Variants in ZNF121 observed in about 807,000 individuals in gnomAD.
The protein encoded by ZNF121 is zinc finger protein 121, also known as zinc finger protein 121 (clone ZHC32).
A neutral mutation model predicts 2.4 loss-of-function variants in ZNF121; 1 was observed. That is an observed-to-expected ratio of 0.41 (90% CI 0.15 to 1.94). The LOEUF (loss-of-function observed/expected upper bound fraction) is 1.94, where lower values mean the gene tolerates loss of function less well. Ranked by LOEUF, ZNF121 falls within the 30% of genes most tolerant of loss-of-function variation. The pLI, the probability that ZNF121 is intolerant of heterozygous loss-of-function variation, is 0.30. For synonymous variants in ZNF121, 173 were observed against 158.6 expected (o/e 1.09, Z -0.68); for missense variants, 369 against 466.3 (o/e 0.79, Z 1.92).
chr19:9,573,185 G>A (rs1181658144), intron 1 of ZNF121, among the ~76,000 whole-genome samples: 2 of 152,310 alleles, frequency 1.3e-5, no homozygotes, highest in South Asian at 2.1e-4. Flanking sequence ...AATAGTATCA[G>A]TGACTGAACC....
chr19:9,562,032 G>A lies in ZNF121; in HGVS notation c.*3908C>T, dbSNP rs902199919. 1 of 152,050 alleles carries A rather than the reference G, an allele frequency of 6.6e-6. No individual in the cohort carries two copies. The highest frequency in any genetic ancestry group is 2.4e-5 in the African/African-American group (1 of 41,398). 9.4% of individuals were successfully genotyped at this position (152,050 alleles called of 1,614,324 possible). A position where few individuals can be genotyped will look rare whatever the true frequency, so the allele number is the denominator to read the frequency against. ...TCACAAGTAGAAGTCCTGTGGCAAT[G>A]TCATGTCGAATAAATCTATAACACC... On this transcript the variant is annotated 3_prime_UTR_variant, in exon 4 of 4. Coordinates refer to ENST00000320451, the MANE Select transcript of ZNF121 (RefSeq NM_001008727.5).
At chr19:9,576,366 T>G (rs1599740848) in intron 1 of ZNF121, among the ~76,000 whole-genome samples, 1 of 152,240 alleles carries the variant, frequency 6.6e-6, no homozygotes, top group East Asian at 1.9e-4. Context: ...AACATTGTTT[T>G]GGTACGTTGA....
chr19:9,570,301 A>C (rs2074165026), intron 1 of ZNF121, among the ~76,000 whole-genome samples: 1 of 152,148 alleles, frequency 6.6e-6, no homozygotes, highest in South Asian at 2.1e-4. Flanking sequence ...AATGAGGCTC[A>C]TATGCCAGAG....
At chr19:9,580,075 G>T (rs939228998) in intron 1 of ZNF121, among the ~76,000 whole-genome samples, 1 of 151,962 alleles carries the variant, frequency 6.6e-6, no homozygotes, top group East Asian at 1.9e-4. Flanking sequence ...GGCGGATCAC[G>T]ACGTCAGGAG....
chr19:9,583,879 C>T (rs2074266817), intron 1 of ZNF121, among the ~76,000 whole-genome samples: 1 of 152,136 alleles, frequency 6.6e-6, no homozygotes, highest in South Asian at 2.1e-4. Flanking sequence ...AAATAAGAAA[C>T]TAAAGGCTCA....
intron 1 of ZNF121, among the ~76,000 whole-genome samples, chr19:9,580,731 C>A (rs963459235): frequency 4.6e-5 from 7 of 152,190 alleles, no homozygotes; most frequent in Admixed American, 3.3e-4. Context: ...TGATACTCAA[C>A]GTGTCCATGT....
rs2074113152 is a variant in ZNF121 at position 9,563,609 on chromosome 19, G to C, written c.*2331C>G. The C allele has an allele frequency of 6.6e-6, 1 of 152,210 alleles. No individual in the cohort carries two copies. The highest frequency in any genetic ancestry group is 2.1e-4 in the South Asian group (1 of 4,830). 9.4% of individuals were successfully genotyped at this position (152,210 alleles called of 1,614,324 possible). On this transcript the variant is annotated 3_prime_UTR_variant, in exon 4 of 4. Coordinates refer to ENST00000320451, the MANE Select transcript of ZNF121 (RefSeq NM_001008727.5). ...GGACGGGCTGACTCTTTACTTTGTA[G>C]AGACAGCGTCACGCTCTGTTGTGCT...
In ZNF121 at chr19:9,563,602, C is replaced by G. The variant is rs2074113100; in HGVS notation, c.*2338G>C. The stretch of plus-strand genomic sequence containing the variant: ...ATTCAAAGGACGGGCTGACTCTTTA[C>G]TTTGTAGAGACAGCGTCACGCTCTG... On this transcript the variant is annotated 3_prime_UTR_variant, in exon 4 of 4. Coordinates refer to ENST00000320451, the MANE Select transcript of ZNF121 (RefSeq NM_001008727.5). The G allele has an allele frequency of 6.6e-6, 1 of 152,168 alleles. No individual in the cohort carries two copies. The highest frequency in any genetic ancestry group is 1.5e-5 in the Non-Finnish European group (1 of 68,048). The allele number at this position is 152,168 out of a possible 1,614,324, so 9.4% of individuals were successfully genotyped here.
intron 1 of ZNF121, among the ~76,000 whole-genome samples, chr19:9,580,597 G>T (rs1395069141): frequency 6.6e-6 from 1 of 152,152 alleles, no homozygotes; most frequent in Non-Finnish European, 1.5e-5. Flanking sequence ...ATATACATTT[G>T]TATGTGCTTT....
chr19:9,577,182 G>A lies in ZNF121; in HGVS notation c.-160+7279C>T, dbSNP rs191773834. ...GGCCAGGCTGGGTGCAGTGGCTCACGCCCGTAATTCCAGCACTTTGGGAGG... is the reference window on the plus strand; with the variant it reads ...GGCCAGGCTGGGTGCAGTGGCTCACACCCGTAATTCCAGCACTTTGGGAGG... On this transcript the variant is annotated intron_variant, in intron 1 of 3. Transcript: ENST00000320451. Among the ~76,000 whole-genome samples, 46 of 152,246 alleles carry A rather than the reference G, an allele frequency of 3.0e-4. No homozygotes were observed. In the South Asian group the frequency reaches 6.4e-3, roughly 21 times the overall value.
chr19:9,570,032 C>T (rs1285586170), intron 1 of ZNF121, among the ~76,000 whole-genome samples: 1 of 151,658 alleles, frequency 6.6e-6, no homozygotes, highest in Non-Finnish European at 1.5e-5. Context: ...TGCCGCCGCC[C>T]ACCCTAGTTC....
At chr19:9,574,007 T>C (rs1036220087) in intron 1 of ZNF121, among the ~76,000 whole-genome samples, 8 of 149,632 alleles carry the variant, frequency 5.3e-5, no homozygotes, top group African/African-American at 2.0e-4. Flanking sequence ...CCACAATGCC[T>C]GGCTAATTTT....
intron 1 of ZNF121, among the ~76,000 whole-genome samples, chr19:9,580,110 G>C (rs1018146124): frequency 6.6e-6 from 1 of 151,902 alleles, no homozygotes; most frequent in South Asian, 2.1e-4. Context: ...GGCTAACACG[G>C]TGAAACCTCG....
intron 1 of ZNF121, among the ~76,000 whole-genome samples, chr19:9,571,578 C>T (rs2074174507): frequency 6.6e-6 from 1 of 152,150 alleles, no homozygotes. Flanking sequence ...TTACCTTTCA[C>T]CTGGCAGGAC....
At chr19:9,573,444 T>A (rs2074188046) in intron 1 of ZNF121, among the ~76,000 whole-genome samples, 1 of 152,124 alleles carries the variant, frequency 6.6e-6, no homozygotes, top group South Asian at 2.1e-4. Flanking sequence ...AAAAGCTATT[T>A]GAAAATATAG....
chr19:9,568,269 T>C (rs976166154), intron 2 of ZNF121, 94 bp from the exon 3 acceptor site: 2 of 560,902 alleles, frequency 3.6e-6, no homozygotes, highest in Non-Finnish European at 6.0e-6. Flanking sequence ...TTTTTATTTG[T>C]CATATTCAGC....
chr19:9,573,608 CCAAAAAT>C (rs763532968), intron 1 of ZNF121, among the ~76,000 whole-genome samples: 1 of 152,044 alleles, frequency 6.6e-6, no homozygotes, highest in Non-Finnish European at 1.5e-5. Context: ...TAACAAGATT[CCAAAAAT>C]TGAGAAAAAT....
In ZNF121 at chr19:9,574,649, G is replaced by A. The variant is rs187849381; in HGVS notation, c.-159-5567C>T. ...TTGATTGGCTTAGAACTTTTTAAAA[G>A]GCGTAAAGGCAGAGGAGAAGAAAGG... On this transcript the variant is annotated intron_variant, in intron 1 of 3. Transcript: ENST00000320451. Among the ~76,000 whole-genome samples the A allele has an allele frequency of 8.5e-5, 13 of 152,258 alleles. 1 individual carries two copies. The highest frequency in any genetic ancestry group is 2.9e-4 in the African/African-American group (12 of 41,548).
rs148224474 is a variant in ZNF121 at position 9,582,184 on chromosome 19, C to T, written c.-160+2277G>A. On this transcript the variant is annotated intron_variant, in intron 1 of 3. Coordinates refer to ENST00000320451, the MANE Select transcript of ZNF121 (RefSeq NM_001008727.5). Reference sequence around the variant, plus strand: ...ATTAGCTGGGCATGGCGGCATGTGCCTGTGTCCCAGCTACTAGGTGTCAGG... The same window carrying T: ...ATTAGCTGGGCATGGCGGCATGTGCTTGTGTCCCAGCTACTAGGTGTCAGG... Among the ~76,000 whole-genome samples, 272 of 152,310 alleles carry T rather than the reference C, an allele frequency of 1.8e-3. 1 individual carries two copies. Among genetic ancestry groups the T allele is most frequent in the African/African-American group, 6.2e-3 (256 of 41,558 alleles).
Sources: allele counts gnomAD v4.1 joint callset (sites outside exome capture counted in the v4.1 genomes callset), GRCh38; gene constraint gnomAD v4.1.1; transcripts MANE v1.5; gene names NCBI Gene and HGNC (gene_info 2026-07-23, HGNC 2026-07-21).